NUPR1: variants seen among roughly 807,000 people sequenced by gnomAD.
NUPR1 encodes the protein nuclear protein 1.
Under a neutral mutation model 7.3 loss-of-function variants are expected in NUPR1, and 8 were observed. That is an observed-to-expected ratio of 1.09 (90% CI 0.64 to 1.97). The LOEUF is 1.97. Among genes scored for constraint, NUPR1 ranks in the 30% most tolerant of loss-of-function variants. The pLI is 0.00. For synonymous variants in NUPR1, 39 were observed against 44.5 expected (o/e 0.88, Z 0.49); for missense variants, 96 against 111.7 (o/e 0.86, Z 0.63).
chr16:28,535,571 C>CCTTCCTTCTTTCCTTTCTTT lies in NUPR1; in HGVS notation c.*2111_*2112insAAAGAAAGGAAAGAAGGAAG, dbSNP rs71140975. 1 of 71,886 alleles carries CCTTCCTTCTTTCCTTTCTTT rather than the reference C, an allele frequency of 1.4e-5. No homozygotes were observed. Among genetic ancestry groups the CCTTCCTTCTTTCCTTTCTTT allele is most frequent in the East Asian group, 6.9e-4 (1 of 1,440 alleles). The allele number at this position is 71,886 out of a possible 1,614,324, so 4.5% of individuals were successfully genotyped here. The stretch of plus-strand genomic sequence containing the variant: ...TCTTTCTTTCTTTCTTTCCTTCCTT[C>CCTTCCTTCTTTCCTTTCTTT]CTTTCTTTCTTTCTTTCTTTCTTTC... On this transcript the variant is annotated 3_prime_UTR_variant, in exon 3 of 3. Transcript: ENST00000324873.
Position 28,535,553 on chromosome 16 carries a change from T to TTC in NUPR1, c.*2128_*2129dup, listed in dbSNP as rs1491569965. 1 of 35,046 alleles carries TTC rather than the reference T, an allele frequency of 2.9e-5. No individual in the cohort carries two copies. The highest frequency in any genetic ancestry group is 7.1e-5 in the Non-Finnish European group (1 of 14,138). The allele number at this position is 35,046 out of a possible 1,614,324, so 2.2% of individuals were successfully genotyped here. ...TTTCTTTCTTTCTTTCCTTCTTTCT[T>TTC]TCTTTCTTTCCTTCCTTCCTTTCTT... On this transcript the variant is annotated 3_prime_UTR_variant, in exon 3 of 3. Coordinates refer to ENST00000324873, the MANE Select transcript of NUPR1 (RefSeq NM_012385.3).
rs1400171565 is a variant in NUPR1, at chr16:28,535,227, A to G, written c.*2456T>C. The G allele has an allele frequency of 6.6e-6, 1 of 151,850 alleles. No homozygotes were observed. The highest frequency in any genetic ancestry group is 6.6e-5 in the Admixed American group (1 of 15,202). The allele number at this position is 151,850 out of a possible 1,614,324, so 9.4% of individuals were successfully genotyped here. A position where few individuals can be genotyped will look rare whatever the true frequency, so the allele number is the denominator to read the frequency against. ...ATGAGCCCTGAGTGAGCTAGGGCAA[A>G]TCCCTTAATATTTCCTTCCCTCCTT... On this transcript the variant is annotated 3_prime_UTR_variant, in exon 3 of 3. Transcript: ENST00000324873.
At position 28,537,785 on chromosome 16, in the gene NUPR1, T is replaced by C; in HGVS notation, c.*14-116A>G. The stretch of plus-strand genomic sequence containing the variant: ...AAGGACCCACCCTCTCTATCCTCAA[T>C]TTCTGTCTCTGTAAGTCAAATTTCC... On this transcript the variant is annotated intron_variant, in intron 2 of 2. Transcript: ENST00000324873. 5.9e-6 allele frequency: 3 copies of C among 508,660 alleles called. No homozygotes were observed. In the South Asian group the frequency reaches 8.0e-5, roughly 14 times the overall value. 31.5% of individuals were successfully genotyped at this position (508,660 alleles called of 1,614,324 possible).
At position 28,538,171 on chromosome 16, in the gene NUPR1, G is replaced by A. The variant is rs777281941; in HGVS notation, c.113-16C>T. Reference sequence around the variant, plus strand: ...CCTCCACCTCCTGTAACCAAGGCAGGAGTCAGAGGTGAAGTGGGCATAGGC... The same window carrying A: ...CCTCCACCTCCTGTAACCAAGGCAGAAGTCAGAGGTGAAGTGGGCATAGGC... On this transcript the variant is annotated splice_polypyrimidine_tract_variant and intron_variant, in intron 1 of 2. Transcript: ENST00000324873. The A allele has an allele frequency of 1.1e-5, 17 of 1,614,032 alleles. No individual in the cohort carries two copies. The African/African-American group carries it at 1.9e-4, about 18-fold the overall frequency.
Position 28,535,524 on chromosome 16 carries a change from T to TTTCTTTCTTTCC in NUPR1, c.*2158_*2159insGGAAAGAAAGAA, listed in dbSNP as rs1567277279. The stretch of plus-strand genomic sequence containing the variant: ...GCTCTTTTCTTTCTTTCTTTCTTTC[T>TTTCTTTCTTTCC]TTCTTTCTTTCTTTCTTTCCTTCTT... On this transcript the variant is annotated 3_prime_UTR_variant, in exon 3 of 3. Coordinates refer to ENST00000324873, the MANE Select transcript of NUPR1 (RefSeq NM_012385.3). 79 of 71,010 alleles carry TTTCTTTCTTTCC rather than the reference T, an allele frequency of 1.1e-3. 1 individual carries two copies. The highest frequency in any genetic ancestry group is 3.2e-3 in the African/African-American group (66 of 20,848). 4.4% of individuals were successfully genotyped at this position (71,010 alleles called of 1,614,324 possible).
At position 28,538,854 on chromosome 16, in the gene NUPR1, C is replaced by T. The variant is rs760103879; in HGVS notation, c.54G>A (p.Glu18=). 4.3e-6 allele frequency: 7 copies of T among 1,613,186 alleles called. No homozygotes were observed. Among genetic ancestry groups the T allele is most frequent in the Admixed American group, 3.4e-5 (2 of 59,686 alleles). Residue 18 remains glutamate (E), a synonymous_variant, in exon 1 of 3, where the codon GAG becomes GAA. Coordinates refer to ENST00000324873, the MANE Select transcript of NUPR1 (RefSeq NM_012385.3). ...TSAPQQPPGP[E]DEDSSLDESD... Reference sequence around the variant, plus strand: ...ATTCATCCAGGCTGGAGTCCTCGTCCTCCGGGCCTGGGGGCTGCTGGGGGG... The same window carrying T: ...ATTCATCCAGGCTGGAGTCCTCGTCTTCCGGGCCTGGGGGCTGCTGGGGGG...
chr16:28,534,075 G>A lies in NUPR1; in HGVS notation c.*3608C>T, dbSNP rs1291213211. Reference sequence around the variant, plus strand: ...TTGAACCCAGGAAGCGGAGGTTGCAGTGGGTCGAGATCACACCACTGCACT... The same window carrying A: ...TTGAACCCAGGAAGCGGAGGTTGCAATGGGTCGAGATCACACCACTGCACT... On this transcript the variant is annotated 3_prime_UTR_variant, in exon 3 of 3. Transcript: ENST00000324873. 6.6e-6 allele frequency: 1 copy of A among 152,222 alleles called. No individual in the cohort carries two copies. The highest frequency in any genetic ancestry group is 2.4e-5 in the African/African-American group (1 of 41,414). The allele number at this position is 152,222 out of a possible 1,614,324, so 9.4% of individuals were successfully genotyped here.
In NUPR1 at chr16:28,537,199, A is replaced by G. The variant is rs2046629772; in HGVS notation, c.*484T>C. 1 of 152,274 alleles carries G rather than the reference A, an allele frequency of 6.6e-6. No individual in the cohort carries two copies. The highest frequency in any genetic ancestry group is 6.5e-5 in the Admixed American group (1 of 15,270). The allele number at this position is 152,274 out of a possible 1,614,324, so 9.4% of individuals were successfully genotyped here. ...CAAACAAACCAAAAGCTGCATTCAC[A>G]GCGTAGACCCTGCAAGAGCAGGAAC... On this transcript the variant is annotated 3_prime_UTR_variant, in exon 3 of 3. Transcript: ENST00000324873.
chr16:28,538,115 A>G lies in NUPR1; in HGVS notation c.153T>C (p.Ala51=), dbSNP rs1410458183. The G allele has an allele frequency of 1.2e-6, 2 of 1,614,172 alleles. No individual in the cohort carries two copies. The highest frequency in any genetic ancestry group is 1.7e-6 in the Non-Finnish European group (2 of 1,180,034). Residue 51 remains alanine, a synonymous_variant, in exon 2 of 3, where the codon GCT becomes GCC. Transcript: ENST00000324873. Reference sequence around the variant, plus strand: ...CAGGGCTGGGGCGGTTGGTGTTGGCAGCAGCTTCTCTCTTGGTGCGACCTT... The same window carrying G: ...CAGGGCTGGGGCGGTTGGTGTTGGCGGCAGCTTCTCTCTTGGTGCGACCTT... ...GRKGRTKREA[A]ANTNRPSPGG...
chr16:28,533,001 A>T lies in NUPR1; in HGVS notation c.*4682T>A, dbSNP rs960867941. 6.6e-6 allele frequency: 1 copy of T among 152,236 alleles called. No homozygotes were observed. The highest frequency in any genetic ancestry group is 6.5e-5 in the Admixed American group (1 of 15,272). The allele number at this position is 152,236 out of a possible 1,614,324, so 9.4% of individuals were successfully genotyped here. On this transcript the variant is annotated 3_prime_UTR_variant, in exon 3 of 3. Transcript: ENST00000324873. ...AATAGGAGCTCCAAACACAGCAGAGATGTTTCCAGGATTTTCTGAAGCCAA... is the reference window on the plus strand; with the variant it reads ...AATAGGAGCTCCAAACACAGCAGAGTTGTTTCCAGGATTTTCTGAAGCCAA...
At position 28,535,528 on chromosome 16, in the gene NUPR1, T is replaced by TTTCTTTCCTTCC. The variant is rs1567277288; in HGVS notation, c.*2154_*2155insGGAAGGAAAGAA. The TTTCTTTCCTTCC allele has an allele frequency of 1.4e-5, 1 of 73,844 alleles. No homozygotes were observed. Among genetic ancestry groups the TTTCTTTCCTTCC allele is most frequent in the African/African-American group, 4.6e-5 (1 of 21,700 alleles). 4.6% of individuals were successfully genotyped at this position (73,844 alleles called of 1,614,324 possible). On this transcript the variant is annotated 3_prime_UTR_variant, in exon 3 of 3. Transcript: ENST00000324873. ...TTTTCTTTCTTTCTTTCTTTCTTTC[T>TTTCTTTCCTTCC]TTCTTTCTTTCTTTCCTTCTTTCTT... is the stretch of plus-strand genomic sequence containing the variant.
chr16:28,536,608 C>T lies in NUPR1; in HGVS notation c.*1075G>A. ...GGCTCAAGTAATCCTCCCACTTCGG[C>T]CTCCTAAACTGCTGTGATTACAGGC... On this transcript the variant is annotated 3_prime_UTR_variant, in exon 3 of 3. Coordinates refer to ENST00000324873, the MANE Select transcript of NUPR1 (RefSeq NM_012385.3). 6.6e-6 allele frequency: 1 copy of T among 152,612 alleles called. No individual in the cohort carries two copies. The highest frequency in any genetic ancestry group is 1.5e-5 in the Non-Finnish European group (1 of 68,298). The allele number at this position is 152,612 out of a possible 1,614,324, so 9.5% of individuals were successfully genotyped here.
chr16:28,533,721 T>A lies in NUPR1; in HGVS notation c.*3962A>T, dbSNP rs984245051. 1 of 152,104 alleles carries A rather than the reference T, an allele frequency of 6.6e-6. No homozygotes were observed. Among genetic ancestry groups the A allele is most frequent in the African/African-American group, 2.4e-5 (1 of 41,304 alleles). The allele number at this position is 152,104 out of a possible 1,614,324, so 9.4% of individuals were successfully genotyped here. ...CTAAGCTGAGCCTCATGAGATGGGG[T>A]CGGGGGAGGAATTAAAGTCATCTCA... On this transcript the variant is annotated 3_prime_UTR_variant, in exon 3 of 3. Coordinates refer to ENST00000324873, the MANE Select transcript of NUPR1 (RefSeq NM_012385.3).
Position 28,538,159 on chromosome 16 carries a change from T to C in NUPR1, c.113-4A>G, listed in dbSNP as rs780793494. 6.2e-7 allele frequency: 1 copy of C among 1,614,136 alleles called. No individual in the cohort carries two copies. Among genetic ancestry groups the C allele is most frequent in the Admixed American group, 1.7e-5 (1 of 60,014 alleles). On this transcript the variant is annotated splice_region_variant and splice_polypyrimidine_tract_variant and intron_variant, in intron 1 of 2. Transcript: ENST00000324873. Reference sequence around the variant, plus strand: ...CGACCTTTCCGGCCTCCACCTCCTGTAACCAAGGCAGGAGTCAGAGGTGAA... The same window carrying C: ...CGACCTTTCCGGCCTCCACCTCCTGCAACCAAGGCAGGAGTCAGAGGTGAA...
chr16:28,537,766 C>T, intron 2 of NUPR1, 97 bp from the exon 3 acceptor site: 1 of 470,576 alleles, frequency 2.1e-6, no homozygotes, highest in Non-Finnish European at 3.8e-6. Context: ...AGGGAAGGAC[C>T]CACCCTCTCT....
In NUPR1 at chr16:28,535,543, C is replaced by CTT. The variant is rs1567277336; in HGVS notation, c.*2139_*2140insAA. The CTT allele has an allele frequency of 6.0e-5, 4 of 66,116 alleles. No homozygotes were observed. Among genetic ancestry groups the CTT allele is most frequent in the African/African-American group, 1.9e-4 (4 of 20,884 alleles). 4.1% of individuals were successfully genotyped at this position (66,116 alleles called of 1,614,324 possible). A position where few individuals can be genotyped will look rare whatever the true frequency, so the allele number is the denominator to read the frequency against. ...TCTTTCTTTCTTTCTTTCTTTCTTT[C>CTT]CTTCTTTCTTTCTTTCTTTCCTTCC... On this transcript the variant is annotated 3_prime_UTR_variant, in exon 3 of 3. Transcript: ENST00000324873.
In NUPR1 at chr16:28,534,318, A is replaced by T. The variant is rs1030565317; in HGVS notation, c.*3365T>A. On this transcript the variant is annotated 3_prime_UTR_variant, in exon 3 of 3. Transcript: ENST00000324873. ...ATTAGGCTGGACTCAAGGGAAGGGGATGGATACAGGTCCCCAAGGGTTCAA... is the reference window on the plus strand; with the variant it reads ...ATTAGGCTGGACTCAAGGGAAGGGGTTGGATACAGGTCCCCAAGGGTTCAA... 5 of 152,168 alleles carry T rather than the reference A, an allele frequency of 3.3e-5. No homozygotes were observed. Among genetic ancestry groups the T allele is most frequent in the Non-Finnish European group, 7.3e-5 (5 of 68,062 alleles). The allele number at this position is 152,168 out of a possible 1,614,324, so 9.4% of individuals were successfully genotyped here. A position where few individuals can be genotyped will look rare whatever the true frequency, so the allele number is the denominator to read the frequency against.
In NUPR1 at chr16:28,534,262, T is replaced by G. The variant is rs1002314057; in HGVS notation, c.*3421A>C. The G allele has an allele frequency of 1.3e-5, 2 of 152,160 alleles. No individual in the cohort carries two copies. Among genetic ancestry groups the G allele is most frequent in the Admixed American group, 1.3e-4 (2 of 15,230 alleles). The allele number at this position is 152,160 out of a possible 1,614,324, so 9.4% of individuals were successfully genotyped here. A position where few individuals can be genotyped will look rare whatever the true frequency, so the allele number is the denominator to read the frequency against. On this transcript the variant is annotated 3_prime_UTR_variant, in exon 3 of 3. Coordinates refer to ENST00000324873, the MANE Select transcript of NUPR1 (RefSeq NM_012385.3). Reference sequence around the variant, plus strand: ...TTGGGCCAGAGGTCCTTAAATGTCCTTCCGGGTCATGGATTCATTCTGTGG... The same window carrying G: ...TTGGGCCAGAGGTCCTTAAATGTCCGTCCGGGTCATGGATTCATTCTGTGG...
In NUPR1 at chr16:28,533,709, C is replaced by T. The variant is rs115985183; in HGVS notation, c.*3974G>A. 6.6e-6 allele frequency: 1 copy of T among 152,334 alleles called. No individual in the cohort carries two copies. The highest frequency in any genetic ancestry group is 1.5e-5 in the Non-Finnish European group (1 of 68,186). The allele number at this position is 152,334 out of a possible 1,614,324, so 9.4% of individuals were successfully genotyped here. On this transcript the variant is annotated 3_prime_UTR_variant, in exon 3 of 3. Coordinates refer to ENST00000324873, the MANE Select transcript of NUPR1 (RefSeq NM_012385.3). ...AGAAGGAAACATCTAAGCTGAGCCT[C>T]ATGAGATGGGGTCGGGGGAGGAATT...
Sources: gnomAD v4.1 joint callset for allele counts on GRCh38, gnomAD v4.1.1 for gene constraint, MANE v1.5 for transcripts, NCBI Gene and HGNC (gene_info 2026-07-23, HGNC 2026-07-21) for gene names.